PCNA: variants seen among roughly 807,000 people sequenced by gnomAD.
PCNA encodes DNA sliding clamp PCNA.
In PCNA, 4 loss-of-function variants were observed where a neutral mutation model predicts 27.8. The observed-to-expected ratio is 0.14, with a 90% CI of 0.07 to 0.33. The LOEUF is 0.33. PCNA is among the 10% of genes least tolerant of loss of function. PCNA has a pLI of 1.00. For synonymous variants in PCNA, 121 were observed against 119.4 expected (o/e 1.01, Z -0.09); for missense variants, 165 against 327.4 (o/e 0.50, Z 3.83).
At chr20:5,123,461 G>C (rs1322761253), upstream of PCNA, among the ~76,000 whole-genome samples, 1 of 152,190 alleles carries the variant, frequency 6.6e-6, no homozygotes, top group Non-Finnish European at 1.5e-5. Context: ...TTGGGAGGCT[G>C]AGGTAGGTGG....
At chr20:5,118,016 GGTGT>G (rs2090487822) in intron 3 of PCNA, among the ~76,000 whole-genome samples, 1 of 152,108 alleles carries the variant, frequency 6.6e-6, no homozygotes, top group Non-Finnish European at 1.5e-5. Flanking sequence ...TCTCTCCTTT[GGTGT>G]TTATAAACCT....
chr20:5,117,065 A>G (rs1391964108), intron 4 of PCNA, among the ~76,000 whole-genome samples: 1 of 152,230 alleles, frequency 6.6e-6, no homozygotes, highest in African/African-American at 2.4e-5. Flanking sequence ...GTAAGCTAAT[A>G]TTAGGATTAC....
In PCNA at chr20:5,115,070, C is replaced by A; in HGVS notation, c.*213G>T. ...CAAGTATTTCTAAGAGACAAAAATACTTCTAGGTTAACTAGACCAGATCTG... is the reference window on the plus strand; with the variant it reads ...CAAGTATTTCTAAGAGACAAAAATAATTCTAGGTTAACTAGACCAGATCTG... On this transcript the variant is annotated 3_prime_UTR_variant, in exon 6 of 6. Coordinates refer to ENST00000379143, the MANE Select transcript of PCNA (RefSeq NM_182649.2). 1 of 433,146 alleles carries A rather than the reference C, an allele frequency of 2.3e-6. No homozygotes were observed. Among genetic ancestry groups the A allele is most frequent in the Non-Finnish European group, 4.1e-6 (1 of 241,322 alleles). The allele number at this position is 433,146 out of a possible 1,614,324, so 26.8% of individuals were successfully genotyped here. A position where few individuals can be genotyped will look rare whatever the true frequency, so the allele number is the denominator to read the frequency against.
intron 4 of PCNA, among the ~76,000 whole-genome samples, chr20:5,116,605 GACCT>G (rs1206249817): frequency 6.6e-6 from 1 of 152,116 alleles, no homozygotes; most frequent in Non-Finnish European, 1.5e-5. Flanking sequence ...ATGAGGTTAG[GACCT>G]TTGTCCTTGA....
rs1001902679 is a variant in PCNA at position 5,115,754 on chromosome 20, T to A, written c.583-182A>T. 5.9e-5 allele frequency among the ~76,000 whole-genome samples: 9 copies of A among 152,232 alleles called. No individual in the cohort carries two copies. The East Asian group carries it at 1.7e-3, about 29-fold the overall frequency. On this transcript the variant is annotated intron_variant, in intron 4 of 5. Transcript: ENST00000379143. ...ATCTAGCTTGTCTTTCCTATAGCTA[T>A]AATTTAGATAACCAAATTATATAAT...
chr20:5,115,791 T>C (rs1256010139), intron 4 of PCNA, among the ~76,000 whole-genome samples: 1 of 152,218 alleles, frequency 6.6e-6, no homozygotes, highest in Non-Finnish European at 1.5e-5. Context: ...TGGGAAAGCT[T>C]TTCTTTATGG....
intron 3 of PCNA, 78 bp from the exon 4 acceptor site, chr20:5,117,742 A>G: frequency 1.3e-6 from 1 of 771,684 alleles, no homozygotes; most frequent in Non-Finnish European, 2.1e-6. Flanking sequence ...TTAAAAGGCA[A>G]CACCTAAACA....
upstream of PCNA, chr20:5,121,381 CTTT>C (rs1162458267): frequency 3.5e-5 from 4 of 114,496 alleles, no homozygotes; most frequent in African/African-American, 1.4e-4. Context: ...GAATGCCTTT[CTTT>C]CCTTTTTTTT....
Position 5,118,884 on chromosome 20 carries a change from CAT to C in PCNA, c.222-20_222-19del. 4 of 1,557,160 alleles carry C rather than the reference CAT, an allele frequency of 2.6e-6. No individual in the cohort carries two copies. Among genetic ancestry groups the C allele is most frequent in the Non-Finnish European group, 3.5e-6 (4 of 1,130,178 alleles). The stretch of plus-strand genomic sequence containing the variant: ...TGGACATACTAGAAGACAGGAGACA[CAT>C]GCTTTAAAATCAACGCCGTCTGCTG... On this transcript the variant is annotated intron_variant, in intron 1 of 5. Coordinates refer to ENST00000379143, the MANE Select transcript of PCNA (RefSeq NM_182649.2).
In PCNA at chr20:5,117,672, G is replaced by T; in HGVS notation, c.388-8C>A. On this transcript the variant is annotated splice_polypyrimidine_tract_variant and splice_region_variant and intron_variant, in intron 3 of 5. Coordinates refer to ENST00000379143, the MANE Select transcript of PCNA (RefSeq NM_182649.2). ...ACAGCTGTACTCCTGTTCCTATTAAGAACAAAAATTTTCCAAAAGTTAATT... is the reference window on the plus strand; with the variant it reads ...ACAGCTGTACTCCTGTTCCTATTAATAACAAAAATTTTCCAAAAGTTAATT... The T allele has an allele frequency of 6.6e-7, 1 of 1,514,814 alleles. No homozygotes were observed. Among genetic ancestry groups the T allele is most frequent in the Non-Finnish European group, 8.8e-7 (1 of 1,130,546 alleles). The allele number at this position is 1,514,814 out of a possible 1,614,324, so 93.8% of individuals were successfully genotyped here. A position where few individuals can be genotyped will look rare whatever the true frequency, so the allele number is the denominator to read the frequency against.
chr20:5,118,265 A>T (rs2090489632), intron 3 of PCNA, among the ~76,000 whole-genome samples: 1 of 152,216 alleles, frequency 6.6e-6, no homozygotes, highest in Admixed American at 6.5e-5. Context: ...AGTTGTTATG[A>T]AGTAGGCTTA....
chr20:5,120,269 G>T (rs983031017), upstream of PCNA, among the ~76,000 whole-genome samples: 1 of 152,258 alleles, frequency 6.6e-6, no homozygotes, highest in African/African-American at 2.4e-5. Flanking sequence ...TACGTGGGTA[G>T]AAAGTTTCCA....
At chr20:5,120,683 T>C (rs1481067179), upstream of PCNA, among the ~76,000 whole-genome samples, 1 of 152,224 alleles carries the variant, frequency 6.6e-6, no homozygotes, top group African/African-American at 2.4e-5. Flanking sequence ...GTATATAACA[T>C]AATTTATCAA....
At chr20:5,122,805 A>C (rs2122916978), upstream of PCNA, among the ~76,000 whole-genome samples, 1 of 152,346 alleles carries the variant, frequency 6.6e-6, no homozygotes, top group Non-Finnish European at 1.5e-5. Flanking sequence ...ATGCCAAATT[A>C]CATGTAATAG....
At chr20:5,116,691 C>T (rs2090477803) in intron 4 of PCNA, among the ~76,000 whole-genome samples, 1 of 152,136 alleles carries the variant, frequency 6.6e-6, no homozygotes, top group Non-Finnish European at 1.5e-5. Flanking sequence ...CTTGCTCTGT[C>T]ACCCAGGCTG....
chr20:5,117,874 C>A (rs1290007524), intron 3 of PCNA, among the ~76,000 whole-genome samples: 1 of 152,248 alleles, frequency 6.6e-6, no homozygotes, highest in East Asian at 1.9e-4. Context: ...CCTCCTCCTC[C>A]TCATCCTCCA....
At chr20:5,124,378 G>C (rs547108090), upstream of PCNA, among the ~76,000 whole-genome samples, 86 of 152,310 alleles carry the variant, frequency 5.6e-4, no homozygotes, top group Non-Finnish European at 1.1e-3. Flanking sequence ...GCTGATGCCT[G>C]TAATCCCAGC....
chr20:5,120,520 T>C (rs1327977076), upstream of PCNA, among the ~76,000 whole-genome samples: 5 of 151,476 alleles, frequency 3.3e-5, no homozygotes, highest in Non-Finnish European at 7.4e-5. Flanking sequence ...ATAAAGCTTT[T>C]AAAGCTTTTT....
chr20:5,120,547 CT>C (rs11087673), upstream of PCNA, among the ~76,000 whole-genome samples: 6,055 of 148,366 alleles, frequency 0.041, 244 homozygotes, highest in African/African-American at 0.1. Flanking sequence ...TTCGAATACA[CT>C]TTTTTTTTTT....
Sources: gnomAD v4.1 joint callset for allele counts (sites outside exome capture counted in the v4.1 genomes callset) on GRCh38, gnomAD v4.1.1 for gene constraint, MANE v1.5 for transcripts, NCBI Gene and HGNC (gene_info 2026-07-23, HGNC 2026-07-21) for gene names.